The following DENND1B variants were observed in gnomAD, a reference collection of about 807,000 sequenced individuals.
DENND1B encodes the protein DENN domain containing 1B.
Under a neutral mutation model 90.1 loss-of-function variants are expected in DENND1B, and 59 were observed. That is an observed-to-expected ratio of 0.65 (90% CI 0.53 to 0.81). The LOEUF (loss-of-function observed/expected upper bound fraction) is 0.81. DENND1B is among the 40% of genes least tolerant of loss of function. DENND1B has a pLI of 0.00. For synonymous variants in DENND1B, 337 were observed against 324.6 expected (o/e 1.04, Z -0.41); for missense variants, 862 against 912.6 (o/e 0.94, Z 0.71).
chr1:197,513,805 T>C (rs371381113), intron 20 of DENND1B, among the ~76,000 whole-genome samples: 16 of 151,594 alleles, frequency 1.1e-4, no homozygotes, highest in East Asian at 7.8e-4. Flanking sequence ...CAGGTCTCTT[T>C]CAGGGGACTC....
intron 5 of DENND1B, among the ~76,000 whole-genome samples, chr1:197,665,180 T>C (rs1166825759): frequency 1.3e-5 from 2 of 152,142 alleles, no homozygotes; most frequent in African/African-American, 2.4e-5. Flanking sequence ...TAATTTTTTT[T>C]CTGAAAGGTG....
chr1:197,655,768 G>A (rs1356233198), intron 6 of DENND1B, among the ~76,000 whole-genome samples: 1 of 151,932 alleles, frequency 6.6e-6, no homozygotes, highest in Non-Finnish European at 1.5e-5. Context: ...TCCTGACCTC[G>A]TGATCCGCCC....
intron 10 of DENND1B, among the ~76,000 whole-genome samples, chr1:197,639,577 C>T (rs1368976237): frequency 6.6e-6 from 1 of 152,006 alleles, no homozygotes; most frequent in Non-Finnish European, 1.5e-5. Context: ...TGTTAGGCCA[C>T]CTTTACATAT....
chr1:197,654,823 T>TG (rs1238508992), intron 6 of DENND1B, among the ~76,000 whole-genome samples: 1 of 152,156 alleles, frequency 6.6e-6, no homozygotes, highest in Non-Finnish European at 1.5e-5. Context: ...AAATCATTAA[T>TG]TTTTATTCTT....
At chr1:197,650,384 C>T (rs921537239) in intron 7 of DENND1B, among the ~76,000 whole-genome samples, 3 of 152,016 alleles carry the variant, frequency 2.0e-5, no homozygotes, top group Admixed American at 6.6e-5. Context: ...GGCCTGGATG[C>T]GGTGATCAAA....
intron 14 of DENND1B, among the ~76,000 whole-genome samples, chr1:197,593,024 TTGATA>T (rs1249210963): frequency 2.0e-5 from 3 of 152,030 alleles, no homozygotes; most frequent in Non-Finnish European, 4.4e-5. Flanking sequence ...ATATATTTGA[TTGATA>T]TAAAATATTT....
At chr1:197,716,836 T>C (rs982497254) in intron 2 of DENND1B, among the ~76,000 whole-genome samples, 1 of 151,968 alleles carries the variant, frequency 6.6e-6, no homozygotes, top group African/African-American at 2.4e-5. Context: ...TTCTTACAAC[T>C]ATGTCTTAAA....
At position 197,775,332 on chromosome 1, in the gene DENND1B, C is replaced by T. The variant is rs954746358; in HGVS notation, c.-177G>A. The T allele has an allele frequency of 1.6e-5, 6 of 377,404 alleles. No individual in the cohort carries two copies. Among genetic ancestry groups the T allele is most frequent in the Admixed American group, 9.6e-5 (2 of 20,788 alleles). The allele number at this position is 377,404 out of a possible 1,614,324, so 23.4% of individuals were successfully genotyped here. A position where few individuals can be genotyped will look rare whatever the true frequency, so the allele number is the denominator to read the frequency against. On this transcript the variant is annotated 5_prime_UTR_variant, in exon 1 of 23. Coordinates refer to ENST00000620048, the MANE Select transcript of DENND1B (RefSeq NM_001195215.2). The stretch of plus-strand genomic sequence containing the variant: ...TGTCGGCTGCGCCCCCGGCACTTCC[C>T]CGCCTCCCACCCCACCCACCAGAGC...
intron 2 of DENND1B, among the ~76,000 whole-genome samples, chr1:197,730,815 C>G (rs1050804411): frequency 1.3e-5 from 2 of 151,726 alleles, no homozygotes; most frequent in African/African-American, 2.4e-5. Context: ...ACCTTAAGAA[C>G]TTTTAAAAAA....
chr1:197,616,912 T>C lies in DENND1B; in HGVS notation c.773+747A>G, dbSNP rs191917070. On this transcript the variant is annotated intron_variant, in intron 11 of 22. Coordinates refer to ENST00000620048, the MANE Select transcript of DENND1B (RefSeq NM_001195215.2). ...GATGATTATGCAATGAAGATAACAT[T>C]TCCCCCCCTAGTCTTGAAGAAGGCC... Among the ~76,000 whole-genome samples the C allele has an allele frequency of 6.7e-3, 1,006 of 151,116 alleles. 4 individuals carry two copies. Among genetic ancestry groups the C allele is most frequent in the African/African-American group, 0.022 (928 of 41,354 alleles).
At chr1:197,769,992 T>G (rs1054180306) in intron 2 of DENND1B, among the ~76,000 whole-genome samples, 2 of 152,162 alleles carry the variant, frequency 1.3e-5, no homozygotes, top group Non-Finnish European at 2.9e-5. Flanking sequence ...TAGTTATTGA[T>G]TTTATTATTT....
chr1:197,628,120 A>G (rs1572118231), intron 10 of DENND1B, among the ~76,000 whole-genome samples: 2 of 152,302 alleles, frequency 1.3e-5, no homozygotes, highest in Non-Finnish European at 2.9e-5. Flanking sequence ...TTATAGATTC[A>G]ATGCCATCCC....
chr1:197,742,644 A>G (rs901271186), intron 2 of DENND1B, among the ~76,000 whole-genome samples: 1 of 152,194 alleles, frequency 6.6e-6, no homozygotes, highest in Non-Finnish European at 1.5e-5. Context: ...GAAAAAAAGC[A>G]CTACAATCTC....
chr1:197,540,792 A>G (rs949711324), intron 19 of DENND1B, among the ~76,000 whole-genome samples, 167 bp downstream of exon 19: 1 of 152,216 alleles, frequency 6.6e-6, no homozygotes, highest in African/African-American at 2.4e-5. Flanking sequence ...GAATGCATAC[A>G]GAAGAGCAGA....
At chr1:197,573,850 C>A (rs2125742497) in intron 15 of DENND1B, among the ~76,000 whole-genome samples, 1 of 152,258 alleles carries the variant, frequency 6.6e-6, no homozygotes, top group East Asian at 1.9e-4. Context: ...ATGAGAGAAA[C>A]CACATGATCA....
intron 20 of DENND1B, among the ~76,000 whole-genome samples, chr1:197,525,200 T>C (rs2125621903): frequency 6.6e-6 from 1 of 152,274 alleles, no homozygotes; most frequent in South Asian, 2.1e-4. Flanking sequence ...AGATAGTTCA[T>C]ATGCCAAGTA....
upstream of DENND1B, among the ~76,000 whole-genome samples, chr1:197,780,688 T>C (rs1446350496): frequency 1.3e-5 from 2 of 152,190 alleles, no homozygotes; most frequent in African/African-American, 2.4e-5. Flanking sequence ...CTTCAATGCA[T>C]TGCAAGCTTT....
intron 22 of DENND1B, 76 bp downstream of exon 22, chr1:197,511,652 A>T: frequency 8.8e-7 from 1 of 1,138,420 alleles, no homozygotes; most frequent in South Asian, 2.2e-5. Flanking sequence ...ACCAACAAAG[A>T]GTATAAGATC....
In DENND1B at chr1:197,642,615, A is replaced by G. The variant is rs1680363366; in HGVS notation, c.672+96T>C. On this transcript the variant is annotated intron_variant, in intron 10 of 22. Coordinates refer to ENST00000620048, the MANE Select transcript of DENND1B (RefSeq NM_001195215.2). ...AAAACGTATGTAGATATTGTCTTATAAGTACACATAGCACATTTCTAAATC... is the reference window on the plus strand; with the variant it reads ...AAAACGTATGTAGATATTGTCTTATGAGTACACATAGCACATTTCTAAATC... The G allele has an allele frequency of 5.6e-5, 42 of 754,286 alleles. No individual in the cohort carries two copies. The South Asian group carries it at 6.2e-4, about 11-fold the overall frequency. The allele number at this position is 754,286 out of a possible 1,614,324, so 46.7% of individuals were successfully genotyped here.
Sources: allele counts gnomAD v4.1 joint callset (sites outside exome capture counted in the v4.1 genomes callset), GRCh38; gene constraint gnomAD v4.1.1; transcripts MANE v1.5; gene names NCBI Gene and HGNC (gene_info 2026-07-23, HGNC 2026-07-21).